PARP15: variants seen among roughly 807,000 people sequenced by gnomAD.
PARP15 encodes the protein poly(ADP-ribose) polymerase family member 15.
Under a neutral mutation model 62.1 loss-of-function variants are expected in PARP15, and 50 were observed. The ratio of observed to expected loss-of-function variants is 0.81; its 90% CI spans 0.64 to 1.02. PARP15 has a LOEUF of 1.02. Among genes scored for constraint, PARP15 ranks in the 50% least tolerant of loss-of-function variants. The probability of loss-of-function intolerance (pLI) is 0.00; values close to 1 mark genes in which losing one functional copy is unlikely to be tolerated. For synonymous variants in PARP15, 309 were observed against 293.1 expected (o/e 1.05, Z -0.55); for missense variants, 820 against 826.5 (o/e 0.99, Z 0.10).
intron 9 of PARP15, 38 bp downstream of exon 9, chr3:122,627,071 C>G (rs2107590489): frequency 6.7e-7 from 1 of 1,486,096 alleles, no homozygotes; most frequent in Non-Finnish European, 9.3e-7. Context: ...CCTGCTGGCT[C>G]TGATAATCAC....
intron 7 of PARP15, among the ~76,000 whole-genome samples, chr3:122,620,975 A>T (rs966491682): frequency 6.6e-6 from 1 of 152,218 alleles, no homozygotes; most frequent in Non-Finnish European, 1.5e-5. Context: ...TCTGTGCCAC[A>T]GAGTACGTTG....
At chr3:122,622,088 T>C (rs1214590150) in intron 8 of PARP15, among the ~76,000 whole-genome samples, 1 of 152,248 alleles carries the variant, frequency 6.6e-6, no homozygotes, top group East Asian at 1.9e-4. Flanking sequence ...CATGGGCCAC[T>C]GTGCCCACCC....
chr3:122,618,590 C>G (rs1043583636), intron 6 of PARP15, among the ~76,000 whole-genome samples: 4 of 152,184 alleles, frequency 2.6e-5, no homozygotes, highest in African/African-American at 9.7e-5. Context: ...AGCAGTTAGA[C>G]TACTTGATTG....
chr3:122,635,109 G>C lies in PARP15; in HGVS notation c.1662G>C (p.Glu554Asp). The change falls in exon 11 of 12, where the codon GAG (glutamate) becomes GAC (aspartate). Residue 554 changes from glutamate (E) to aspartate (D), a missense_variant. Coordinates refer to ENST00000464300, the MANE Select transcript of PARP15 (RefSeq NM_001113523.3). ...TCAAGAATGACCATAAGAATAATGA[G>C]AGACTCCTCTTCCATGGGACAGATG... ...MDIKNDHKNNERLLFHGTDAD... is the reference protein window; with the variant it reads ...MDIKNDHKNNDRLLFHGTDAD... 1 of 1,614,036 alleles carries C rather than the reference G, an allele frequency of 6.2e-7. No individual in the cohort carries two copies. Among genetic ancestry groups the C allele is most frequent in the Non-Finnish European group, 8.5e-7 (1 of 1,179,942 alleles).
At chr3:122,599,577 T>C (rs1559943090) in intron 1 of PARP15, among the ~76,000 whole-genome samples, 1 of 152,038 alleles carries the variant, frequency 6.6e-6, no homozygotes, top group Non-Finnish European at 1.5e-5. Context: ...CTTTTCTTCA[T>C]TTATTTATTT....
At chr3:122,593,838 T>C (rs1273116962) in intron 1 of PARP15, among the ~76,000 whole-genome samples, 3 of 151,534 alleles carry the variant, frequency 2.0e-5, no homozygotes, top group African/African-American at 7.3e-5. Flanking sequence ...TAGAATCCTA[T>C]AAGAAAAAAA....
At chr3:122,604,383 C>T (rs774805665) in intron 1 of PARP15, among the ~76,000 whole-genome samples, 2 of 152,172 alleles carry the variant, frequency 1.3e-5, no homozygotes, top group Non-Finnish European at 2.9e-5. Flanking sequence ...CTGAAGAGCA[C>T]CCTAAGACAG....
chr3:122,600,791 C>T (rs1369452083), intron 1 of PARP15, among the ~76,000 whole-genome samples: 1 of 142,226 alleles, frequency 7.0e-6, no homozygotes. Context: ...TTCATTATTA[C>T]CTTTTTTTTT....
intron 1 of PARP15, among the ~76,000 whole-genome samples, chr3:122,593,985 C>G (rs924664518): frequency 6.6e-6 from 1 of 152,096 alleles, no homozygotes; most frequent in African/African-American, 2.4e-5. Flanking sequence ...TTTTACTTAC[C>G]CTATCTTAAA....
chr3:122,626,196 CTTTTTTTTTTT>C (rs34106420), intron 8 of PARP15, among the ~76,000 whole-genome samples: 2 of 122,114 alleles, frequency 1.6e-5, no homozygotes, highest in African/African-American at 6.3e-5. Flanking sequence ...AGCTGTCACT[CTTTTTTTTTTT>C]TTTTTTTTTG....
chr3:122,602,093 T>G (rs1576500860), intron 1 of PARP15, among the ~76,000 whole-genome samples: 1 of 152,232 alleles, frequency 6.6e-6, no homozygotes, highest in East Asian at 1.9e-4. Context: ...CTTTCCTTAG[T>G]GGTCTTTCTT....
At chr3:122,592,211 C>A (rs1427129420) in intron 1 of PARP15, among the ~76,000 whole-genome samples, 1 of 152,098 alleles carries the variant, frequency 6.6e-6, no homozygotes, top group African/African-American at 2.4e-5. Flanking sequence ...TGATGATAGA[C>A]TGAATAAAGA....
rs1937477322 is a variant in PARP15 at position 122,638,538 on chromosome 3, C to G, written c.*2438C>G. The G allele has an allele frequency of 6.6e-6, 1 of 152,192 alleles. No homozygotes were observed. The highest frequency in any genetic ancestry group is 2.1e-4 in the South Asian group (1 of 4,824). 9.4% of individuals were successfully genotyped at this position (152,192 alleles called of 1,614,324 possible). ...CTCATTGTTGTTTTGATTTGCATTT[C>G]TCTGATGGCCAGTGATGATGAGCAT... On this transcript the variant is annotated 3_prime_UTR_variant, in exon 12 of 12. Transcript: ENST00000464300.
intron 4 of PARP15, among the ~76,000 whole-genome samples, chr3:122,613,853 G>A (rs1440102829): frequency 4.1e-5 from 5 of 121,460 alleles, no homozygotes; most frequent in South Asian, 2.5e-4. Context: ...ACAGAGTCTC[G>A]TTCTGTTACC....
chr3:122,608,028 T>A (rs1935272853), intron 2 of PARP15, among the ~76,000 whole-genome samples: 1 of 152,048 alleles, frequency 6.6e-6, no homozygotes, highest in Non-Finnish European at 1.5e-5. Context: ...TGCACACACA[T>A]CTTCGGTGTC....
At chr3:122,590,554 G>A (rs768658062) in intron 1 of PARP15, among the ~76,000 whole-genome samples, 33 of 152,114 alleles carry the variant, frequency 2.2e-4, no homozygotes, top group South Asian at 4.1e-4. Context: ...GATTACAGGC[G>A]TGAGCCACCG....
At position 122,621,721 on chromosome 3, in the gene PARP15, A is replaced by T. The variant is rs185940141; in HGVS notation, c.1231+110A>T. On this transcript the variant is annotated intron_variant, in intron 8 of 11. Transcript: ENST00000464300. Reference sequence around the variant, plus strand: ...AATCCATCTGAAAGTGGGAACAATGATGTAAATCAGAGAGGGAGCCATCTT... The same window carrying T: ...AATCCATCTGAAAGTGGGAACAATGTTGTAAATCAGAGAGGGAGCCATCTT... The T allele has an allele frequency of 2.8e-6, 3 of 1,057,052 alleles. No individual in the cohort carries two copies. The East Asian group carries it at 8.7e-5, about 31-fold the overall frequency. The allele number at this position is 1,057,052 out of a possible 1,614,324, so 65.5% of individuals were successfully genotyped here.
chr3:122,619,709 C>T lies in PARP15; in HGVS notation c.1001-72C>T. 5 of 1,292,606 alleles carry T rather than the reference C, an allele frequency of 3.9e-6. No individual in the cohort carries two copies. The South Asian group carries it at 5.9e-5, about 15-fold the overall frequency. The allele number at this position is 1,292,606 out of a possible 1,614,324, so 80.1% of individuals were successfully genotyped here. On this transcript the variant is annotated intron_variant, in intron 6 of 11. Transcript: ENST00000464300. Reference sequence around the variant, plus strand: ...ACAAAAGGGTGAGTTGAGCAGAAGTCTAATGTACAAAAACTATAACCACTT... The same window carrying T: ...ACAAAAGGGTGAGTTGAGCAGAAGTTTAATGTACAAAAACTATAACCACTT...
At position 122,621,514 on chromosome 3, in the gene PARP15, T is replaced by G; in HGVS notation, c.1134T>G (p.Val378=). The G allele has an allele frequency of 6.2e-7, 1 of 1,614,106 alleles. No individual in the cohort carries two copies. Among genetic ancestry groups the G allele is most frequent in the Admixed American group, 1.7e-5 (1 of 60,014 alleles). ...TAAAGTGCAAAATAATAATTCATGT[T>G]CCTGGGGGAAAAGATGTCAGGAAAA... is the stretch of plus-strand genomic sequence containing the variant. ...GCLKCKIIIH[V]PGGKDVRKTV... Residue 378 remains valine (V), a synonymous_variant, in exon 8 of 12, where the codon GTT becomes GTG. Coordinates refer to ENST00000464300, the MANE Select transcript of PARP15 (RefSeq NM_001113523.3).
Sources: allele counts gnomAD v4.1 joint callset (sites outside exome capture counted in the v4.1 genomes callset), GRCh38; gene constraint gnomAD v4.1.1; transcripts MANE v1.5; gene names NCBI Gene and HGNC (gene_info 2026-07-23, HGNC 2026-07-21).